Variants in DLG2 observed in about 807,000 individuals in gnomAD.
DLG2 encodes the protein discs large MAGUK scaffold protein 2, also known as disks large homolog 2.
DLG2 carries 45 observed loss-of-function variants against 132.5 expected under a neutral mutation model. That is an observed-to-expected ratio of 0.34 (90% CI 0.27 to 0.44). The LOEUF (loss-of-function observed/expected upper bound fraction) is 0.44. Ranked by LOEUF, DLG2 falls within the 20% of genes least tolerant of loss-of-function variation. DLG2 has a pLI of 1.00. For missense variants in DLG2, 1,045 were observed against 1,196.9 expected (o/e 0.87, Z 1.87); for synonymous variants, 424 against 419.6 (o/e 1.01, Z -0.13).
At chr11:84,971,132 G>A (rs542113769) in intron 6 of DLG2, among the ~76,000 whole-genome samples, 2 of 152,212 alleles carry the variant, frequency 1.3e-5, no homozygotes, top group East Asian at 1.9e-4. Context: ...TACAAAGACG[G>A]CAGTATTTTA....
At chr11:85,476,498 T>C (rs1000343415) in intron 3 of DLG2, among the ~76,000 whole-genome samples, 1 of 152,330 alleles carries the variant, frequency 6.6e-6, no homozygotes, top group Admixed American at 6.5e-5. Context: ...TTAATTTTTT[T>C]ACTTTTTGCC....
At chr11:84,507,131 T>G (rs555864289) in intron 7 of DLG2, among the ~76,000 whole-genome samples, 107 of 152,286 alleles carry the variant, frequency 7.0e-4, no homozygotes, top group African/African-American at 2.5e-3. Flanking sequence ...TATATACTCA[T>G]TCACTCATAT....
At chr11:84,743,739 G>T (rs57076680) in intron 6 of DLG2, among the ~76,000 whole-genome samples, 39,530 of 151,722 alleles carry the variant, frequency 0.26, 6,559 homozygotes, top group African/African-American at 0.48. Flanking sequence ...GAAGGAAAGA[G>T]AATTTTCTTT....
chr11:85,114,576 T>G (rs931012420), intron 5 of DLG2, among the ~76,000 whole-genome samples: 1 of 151,934 alleles, frequency 6.6e-6, no homozygotes, highest in African/African-American at 2.4e-5. Flanking sequence ...GACAAAACTA[T>G]CAATGGGTCT....
intron 6 of DLG2, among the ~76,000 whole-genome samples, chr11:85,046,569 C>G (rs909264450): frequency 2.0e-5 from 3 of 151,554 alleles, no homozygotes; most frequent in African/African-American, 7.3e-5. Context: ...ACTTTGACTC[C>G]AAACATCAGT....
At chr11:83,947,588 A>C (rs2084370952) in intron 14 of DLG2, among the ~76,000 whole-genome samples, 1 of 152,208 alleles carries the variant, frequency 6.6e-6, no homozygotes, top group Non-Finnish European at 1.5e-5. Context: ...CTGGACTAAA[A>C]GTCAACATTA....
intron 19 of DLG2, among the ~76,000 whole-genome samples, chr11:83,548,583 C>T (rs1040198249): frequency 2.0e-5 from 3 of 152,100 alleles, no homozygotes; most frequent in African/African-American, 4.8e-5. Context: ...AACAACAACC[C>T]ACTGAGTGCC....
At chr11:83,477,826 G>A (rs1395051816) in intron 22 of DLG2, among the ~76,000 whole-genome samples, 1 of 151,750 alleles carries the variant, frequency 6.6e-6, no homozygotes, top group East Asian at 1.9e-4. Flanking sequence ...AGCCTATTTT[G>A]ACTTCAAAGT....
chr11:84,403,977 T>A (rs935557364), intron 7 of DLG2, among the ~76,000 whole-genome samples: 1 of 152,192 alleles, frequency 6.6e-6, no homozygotes, highest in Non-Finnish European at 1.5e-5. Flanking sequence ...TCTGCATTTT[T>A]ATCTAATATT....
chr11:83,623,029 C>G (rs909682346), intron 19 of DLG2, among the ~76,000 whole-genome samples: 2 of 152,118 alleles, frequency 1.3e-5, no homozygotes, highest in African/African-American at 4.8e-5. Context: ...GTGTTGAAGT[C>G]TCCAACTATT....
intron 3 of DLG2, among the ~76,000 whole-genome samples, chr11:85,525,738 G>C (rs1446836148): frequency 6.6e-6 from 1 of 152,140 alleles, no homozygotes; most frequent in African/African-American, 2.4e-5. Flanking sequence ...TTACTGCCAG[G>C]AGAATATTTT....
chr11:83,534,960 T>TATAA (rs1287156277), intron 20 of DLG2, among the ~76,000 whole-genome samples: 1 of 152,032 alleles, frequency 6.6e-6, no homozygotes, highest in Non-Finnish European at 1.5e-5. Flanking sequence ...AGTAAATAAA[T>TATAA]ATAAATAAAT....
rs552661995 is a variant in DLG2 at position 85,285,968 on chromosome 11, A to T, written c.41-603T>A. 5 of 235,732 alleles carry T rather than the reference A, an allele frequency of 2.1e-5. No individual in the cohort carries two copies. In the East Asian group the frequency reaches 4.9e-4, roughly 23 times the overall value. The allele number at this position is 235,732 out of a possible 1,614,324, so 14.6% of individuals were successfully genotyped here. On this transcript the variant is annotated intron_variant, in intron 3 of 27. Transcript: ENST00000376104. ...AAGTAAACCTTAACGTAGGCAAATT[A>T]AAAAAAAAATCATGTAGGAAGTCAG...
chr11:83,743,429 A>ATTTTCTTTTTTTTTTTTTTTTTTTT lies in DLG2; in HGVS notation c.1825+43260_1825+43261insAAAAAAAAAAAAAAAAAAAAGAAAA, dbSNP rs374206299. On this transcript the variant is annotated intron_variant, in intron 18 of 27. Coordinates refer to ENST00000376104, the MANE Select transcript of DLG2 (RefSeq NM_001142699.3). ...CAATGTACATAACAGTGGGCAGGCC[A>ATTTTCTTTTTTTTTTTTTTTTTTTT]TTTTTTTTTTTTTTTTTTTTATGAC... Among the ~76,000 whole-genome samples the ATTTTCTTTTTTTTTTTTTTTTTTTT allele has an allele frequency of 2.9e-5, 3 of 103,836 alleles. 1 individual carries two copies. Among genetic ancestry groups the ATTTTCTTTTTTTTTTTTTTTTTTTT allele is most frequent in the African/African-American group, 1.7e-4 (3 of 17,316 alleles). The allele number at this position is 103,836 out of a possible 152,430, so 68.1% of individuals were successfully genotyped here.
At chr11:84,781,822 A>G (rs1046429193) in intron 6 of DLG2, among the ~76,000 whole-genome samples, 7 of 152,144 alleles carry the variant, frequency 4.6e-5, no homozygotes, top group Non-Finnish European at 1.5e-5. Flanking sequence ...AGTGCTGAAC[A>G]ACTTTTAGTA....
chr11:85,191,860 A>G (rs1379463161), intron 4 of DLG2, among the ~76,000 whole-genome samples: 1 of 152,140 alleles, frequency 6.6e-6, no homozygotes, highest in African/African-American at 2.4e-5. Context: ...TGACCCTTAC[A>G]ATAAGTTTGA....
chr11:84,316,716 A>G (rs1169550845), intron 7 of DLG2: 2 of 1,174,616 alleles, frequency 1.7e-6, no homozygotes, highest in Non-Finnish European at 2.3e-6. Flanking sequence ...TATTTTACAT[A>G]CAGGCATACC....
At chr11:85,496,749 G>A (rs1180069787) in intron 3 of DLG2, among the ~76,000 whole-genome samples, 2 of 152,190 alleles carry the variant, frequency 1.3e-5, no homozygotes. Flanking sequence ...AATATTTGCT[G>A]TTCTGCAACC....
chr11:83,540,573 G>C (rs143514960), intron 20 of DLG2, among the ~76,000 whole-genome samples: 1 of 152,054 alleles, frequency 6.6e-6, no homozygotes, highest in Non-Finnish European at 1.5e-5. Flanking sequence ...CAGGCTGTGC[G>C]ACCACAGGCA....
Sources: allele counts gnomAD v4.1 joint callset (sites outside exome capture counted in the v4.1 genomes callset), GRCh38; gene constraint gnomAD v4.1.1; transcripts MANE v1.5; gene names NCBI Gene and HGNC (gene_info 2026-07-23, HGNC 2026-07-21).